CDH18: variants seen among roughly 807,000 people sequenced by gnomAD.
The protein encoded by CDH18 is cadherin-18.
Under a neutral mutation model 67.9 loss-of-function variants are expected in CDH18, and 31 were observed. That is an observed-to-expected ratio of 0.46 (90% CI 0.34 to 0.62). CDH18 has a LOEUF of 0.62. Ranked by LOEUF, CDH18 falls within the 20% of genes least tolerant of loss-of-function variation. The probability of loss-of-function intolerance (pLI) is 0.01; values close to 1 mark genes in which losing one functional copy is unlikely to be tolerated. For missense variants in CDH18, 890 were observed against 975.5 expected (o/e 0.91, Z 1.17); for synonymous variants, 362 against 347.2 (o/e 1.04, Z -0.48).
At chr5:19,937,639 C>G (rs147024730) in intron 2 of CDH18, among the ~76,000 whole-genome samples, 1 of 151,130 alleles carries the variant, frequency 6.6e-6, no homozygotes, top group Admixed American at 6.6e-5. Flanking sequence ...AAAGTATAAC[C>G]GAACAATACC....
At chr5:20,112,395 C>T (rs919607578) in intron 2 of CDH18, among the ~76,000 whole-genome samples, 4 of 152,094 alleles carry the variant, frequency 2.6e-5, no homozygotes, top group Admixed American at 2.0e-4. Flanking sequence ...AAAATTCAGA[C>T]TCATATATTA....
At chr5:20,210,820 C>T (rs1276218706) in intron 2 of CDH18, among the ~76,000 whole-genome samples, 2 of 151,744 alleles carry the variant, frequency 1.3e-5, no homozygotes, top group African/African-American at 4.8e-5. Context: ...TATCTGTATG[C>T]TTTTAAACAA....
At chr5:20,011,136 C>G (rs981339219) in intron 2 of CDH18, among the ~76,000 whole-genome samples, 2 of 152,122 alleles carry the variant, frequency 1.3e-5, no homozygotes, top group Admixed American at 6.6e-5. Flanking sequence ...TTCATTGGAA[C>G]AGTGGTTTGT....
At chr5:20,566,442 C>A (rs1234726277) in intron 1 of CDH18, among the ~76,000 whole-genome samples, 1 of 149,192 alleles carries the variant, frequency 6.7e-6, no homozygotes, top group Non-Finnish European at 1.5e-5. Context: ...TCACTGCAAC[C>A]TCTGCCTTCC....
chr5:19,697,208 C>A (rs1162331093), intron 5 of CDH18, among the ~76,000 whole-genome samples: 4 of 152,194 alleles, frequency 2.6e-5, no homozygotes, highest in Non-Finnish European at 4.4e-5. Context: ...CTATCTCCCA[C>A]ATACATCCCA....
chr5:19,910,767 T>C (rs111869539), intron 2 of CDH18, among the ~76,000 whole-genome samples: 39 of 152,194 alleles, frequency 2.6e-4, no homozygotes, highest in African/African-American at 8.9e-4. Flanking sequence ...GGGTACCCTA[T>C]GAAAAAAGAC....
intron 7 of CDH18, among the ~76,000 whole-genome samples, chr5:19,583,858 T>C (rs1561400627): frequency 6.6e-6 from 1 of 152,136 alleles, no homozygotes; most frequent in African/African-American, 2.4e-5. Flanking sequence ...TACAGTAAGG[T>C]TATATCTTCA....
At chr5:19,924,299 A>G (rs1239104156) in intron 2 of CDH18, among the ~76,000 whole-genome samples, 1 of 152,132 alleles carries the variant, frequency 6.6e-6, no homozygotes, top group Non-Finnish European at 1.5e-5. Flanking sequence ...TATTTTTTTA[A>G]GATATCTTTT....
rs561914506 is a variant in CDH18 at position 20,526,749 on chromosome 5, C to T, written c.-580+48713G>A. 2.6e-4 allele frequency among the ~76,000 whole-genome samples: 39 copies of T among 152,094 alleles called. No homozygotes were observed. The South Asian group carries it at 8.1e-3, about 32-fold the overall frequency. On this transcript the variant is annotated intron_variant, in intron 1 of 14. Coordinates refer to the CDH18 transcript ENST00000507958. Reference sequence around the variant, plus strand: ...AAAATGACCCCACGAAAATGCCATCCAAAGGTCAGCAGCTTCAAAGATCAA... The same window carrying T: ...AAAATGACCCCACGAAAATGCCATCTAAAGGTCAGCAGCTTCAAAGATCAA...
chr5:20,033,540 A>C (rs1175359507), intron 2 of CDH18, among the ~76,000 whole-genome samples: 1 of 152,098 alleles, frequency 6.6e-6, no homozygotes, highest in African/African-American at 2.4e-5. Context: ...AGATTCTGTA[A>C]TCATTTCTGC....
intron 2 of CDH18, among the ~76,000 whole-genome samples, chr5:19,964,225 A>C (rs1288003721): frequency 1.3e-5 from 2 of 152,150 alleles, no homozygotes; most frequent in Non-Finnish European, 2.9e-5. Context: ...ATAATATAAT[A>C]GATTCAGCTA....
chr5:20,281,151 G>C (rs1027718415), intron 1 of CDH18, among the ~76,000 whole-genome samples: 18 of 152,062 alleles, frequency 1.2e-4, no homozygotes, highest in African/African-American at 4.1e-4. Context: ...CTCCCATTCT[G>C]TAGGTTGCCT....
chr5:20,148,357 A>G (rs1389948842), intron 2 of CDH18, among the ~76,000 whole-genome samples: 1 of 152,092 alleles, frequency 6.6e-6, no homozygotes, highest in Non-Finnish European at 1.5e-5. Context: ...TTGGCCTCCC[A>G]AAGTGCTGGG....
intron 2 of CDH18, among the ~76,000 whole-genome samples, chr5:19,994,343 C>T (rs1232882534): frequency 1.4e-5 from 2 of 139,844 alleles, no homozygotes; most frequent in Non-Finnish European, 3.0e-5. Context: ...TTATACACCT[C>T]TCTATCCCCT....
chr5:20,274,830 T>C lies in CDH18; in HGVS notation c.-579-19325A>G, dbSNP rs72745015. Among the ~76,000 whole-genome samples the C allele has an allele frequency of 6.3e-3, 953 of 152,286 alleles. 25 individuals are homozygous for C. Among genetic ancestry groups the C allele is most frequent in the Admixed American group, 0.038 (576 of 15,282 alleles). ...ACTTTATAGAAAAAATATTTGGATA[T>C]AATCAATGTAAATTATTTCAAATGA... On this transcript the variant is annotated intron_variant, in intron 1 of 14. Transcript: ENST00000507958.
intron 10 of CDH18, among the ~76,000 whole-genome samples, chr5:19,519,020 C>T (rs904827455): frequency 1.3e-5 from 2 of 152,132 alleles, no homozygotes; most frequent in South Asian, 2.1e-4. Context: ...ATAAAGCAAA[C>T]GCCTAGCTGT....
intron 1 of CDH18, among the ~76,000 whole-genome samples, chr5:20,555,408 CTTTTTTTTTTTTT>C (rs774396694): frequency 8.7e-5 from 9 of 103,670 alleles, no homozygotes; most frequent in African/African-American, 2.9e-4. Flanking sequence ...ACAAGCTTTT[CTTTTTTTTTTTTT>C]TTTTTTTTTT....
intron 4 of CDH18, among the ~76,000 whole-genome samples, chr5:19,724,157 A>G (rs571481068): frequency 2.7e-4 from 41 of 152,334 alleles, no homozygotes; most frequent in African/African-American, 9.1e-4. Flanking sequence ...TGGTACATTC[A>G]TACTATGAAA....
chr5:19,493,185 A>G (rs1741748326), intron 11 of CDH18, among the ~76,000 whole-genome samples: 2 of 152,194 alleles, frequency 1.3e-5, no homozygotes. Flanking sequence ...ATCTCTCTAA[A>G]GTAGCTCACA....
Sources: gnomAD v4.1 joint callset for allele counts (sites outside exome capture counted in the v4.1 genomes callset) on GRCh38, gnomAD v4.1.1 for gene constraint, MANE v1.5 for transcripts, NCBI Gene and HGNC (gene_info 2026-07-23, HGNC 2026-07-21) for gene names.